The following EMCN variants were observed in gnomAD, a reference collection of about 807,000 sequenced individuals.
EMCN encodes MUC-14.
A neutral mutation model predicts 38.4 loss-of-function variants in EMCN; 37 were observed. The observed-to-expected ratio is 0.96, with a 90% CI of 0.74 to 1.27. EMCN has a LOEUF of 1.27. EMCN is among the 50% of genes most tolerant of loss of function. The pLI is 0.00. For missense variants in EMCN, 318 were observed against 302.8 expected (o/e 1.05, Z -0.37); for synonymous variants, 95 against 100.8 (o/e 0.94, Z 0.35).
intron 5 of EMCN, among the ~76,000 whole-genome samples, chr4:100,440,064 G>A (rs951769595): frequency 4.6e-5 from 7 of 152,044 alleles, no homozygotes; most frequent in African/African-American, 1.7e-4. Flanking sequence ...CCCAGGGAAT[G>A]TTCCATGTGA....
rs762691920 is a variant in EMCN, at chr4:100,423,005, C to A, written c.568+16G>T. 5.0e-6 allele frequency: 8 copies of A among 1,611,676 alleles called. No individual in the cohort carries two copies. In the South Asian group the frequency reaches 7.7e-5, roughly 15 times the overall value. On this transcript the variant is annotated intron_variant, in intron 7 of 11. Coordinates refer to ENST00000296420, the MANE Select transcript of EMCN (RefSeq NM_016242.4). Reference sequence around the variant, plus strand: ...GCATATCTACTGCCATGAATGAAGGCATTGCTGTTACTCACTGGAATAAGA... The same window carrying A: ...GCATATCTACTGCCATGAATGAAGGAATTGCTGTTACTCACTGGAATAAGA...
At chr4:100,457,245 T>C (rs1247243193) in intron 4 of EMCN, among the ~76,000 whole-genome samples, 1 of 151,810 alleles carries the variant, frequency 6.6e-6, no homozygotes, top group Non-Finnish European at 1.5e-5. Context: ...AATAAGATCA[T>C]GTCATCTGAG....
At chr4:100,449,470 C>T (rs1501073) in intron 4 of EMCN, among the ~76,000 whole-genome samples, 61,811 of 151,860 alleles carry the variant, frequency 0.41, 13,400 homozygotes, top group East Asian at 0.77. Flanking sequence ...AAATAGAAAG[C>T]TATGTAATTA....
chr4:100,480,555 T>C (rs1411229582), intron 1 of EMCN, among the ~76,000 whole-genome samples: 1 of 148,974 alleles, frequency 6.7e-6, no homozygotes, highest in Non-Finnish European at 1.5e-5. Flanking sequence ...CATATATACA[T>C]ATACATATAT....
chr4:100,506,737 G>C (rs917623060), intron 1 of EMCN, among the ~76,000 whole-genome samples: 1 of 152,298 alleles, frequency 6.6e-6, no homozygotes, highest in South Asian at 2.1e-4. Flanking sequence ...ATTCAAGTTA[G>C]AGGTTAAGGG....
intron 1 of EMCN, among the ~76,000 whole-genome samples, chr4:100,498,206 TA>T (rs1276429383): frequency 1.3e-5 from 2 of 152,188 alleles, no homozygotes; most frequent in East Asian, 3.9e-4. Context: ...AAATGAAATT[TA>T]ATACCAACCA....
At chr4:100,510,985 A>G (rs1729611967) in intron 1 of EMCN, among the ~76,000 whole-genome samples, 1 of 152,222 alleles carries the variant, frequency 6.6e-6, no homozygotes. Flanking sequence ...TTGAATCCAG[A>G]ATATTAAGAA....
chr4:100,418,352 A>G (rs1034635110), intron 8 of EMCN, among the ~76,000 whole-genome samples: 1 of 152,166 alleles, frequency 6.6e-6, no homozygotes. Flanking sequence ...CAATCACATC[A>G]TGGCAGTGGT....
At chr4:100,515,676 C>T (rs1729736893) in intron 1 of EMCN, among the ~76,000 whole-genome samples, 1 of 151,996 alleles carries the variant, frequency 6.6e-6, no homozygotes, top group Admixed American at 6.6e-5. Flanking sequence ...CTCCTCACCC[C>T]CAAGAATCAA....
At chr4:100,434,863 A>G (rs1307583797) in intron 5 of EMCN, among the ~76,000 whole-genome samples, 2 of 152,190 alleles carry the variant, frequency 1.3e-5, no homozygotes, top group Non-Finnish European at 2.9e-5. Context: ...CTGGGTATTG[A>G]AGGAACATAC....
chr4:100,451,176 C>A (rs1455495412), intron 4 of EMCN, among the ~76,000 whole-genome samples: 2 of 151,518 alleles, frequency 1.3e-5, no homozygotes, highest in Non-Finnish European at 3.0e-5. Flanking sequence ...TTATGCCAAG[C>A]AAAACTGGTT....
rs150870317 is a variant in EMCN at position 100,445,805 on chromosome 4, C to G, written c.415+1728G>C. ...TGGTGTTTCCTGATTTAGTCTTTAG[C>G]TGCAATTCATATTTGAAGTTTGAAT... On this transcript the variant is annotated intron_variant, in intron 5 of 11. Transcript: ENST00000296420. Among the ~76,000 whole-genome samples, 46 of 152,180 alleles carry G rather than the reference C, an allele frequency of 3.0e-4. 1 individual carries two copies. The East Asian group carries it at 8.7e-3, about 29-fold the overall frequency.
intron 11 of EMCN, among the ~76,000 whole-genome samples, chr4:100,402,101 T>G (rs1378896965): frequency 1.3e-5 from 2 of 152,158 alleles, no homozygotes; most frequent in Admixed American, 6.6e-5. Flanking sequence ...CATTAAACAT[T>G]TAAGCTGCTT....
intron 5 of EMCN, among the ~76,000 whole-genome samples, chr4:100,441,039 G>A (rs756106223): frequency 6.6e-6 from 1 of 151,780 alleles, no homozygotes; most frequent in African/African-American, 2.4e-5. Flanking sequence ...AGTGAGCTGC[G>A]ATTGTGCCAC....
chr4:100,498,588 T>G (rs1401395463), intron 1 of EMCN, among the ~76,000 whole-genome samples: 1 of 152,018 alleles, frequency 6.6e-6, no homozygotes, highest in East Asian at 1.9e-4. Flanking sequence ...TTCAAGCGAT[T>G]CTCCTGCCTC....
At chr4:100,414,813 A>T (rs1047006640) in intron 10 of EMCN, among the ~76,000 whole-genome samples, 1 of 152,242 alleles carries the variant, frequency 6.6e-6, no homozygotes, top group African/African-American at 2.4e-5. Context: ...AGAAATATTT[A>T]TAATATAGCT....
intron 1 of EMCN, among the ~76,000 whole-genome samples, chr4:100,486,375 G>T (rs1728942229): frequency 6.6e-6 from 1 of 152,160 alleles, no homozygotes. Flanking sequence ...CTAATATTTT[G>T]GGAGGGGAAA....
chr4:100,491,881 G>A lies in EMCN; in HGVS notation c.65-11842C>T, dbSNP rs564510306. Among the ~76,000 whole-genome samples, 5 of 152,284 alleles carry A rather than the reference G, an allele frequency of 3.3e-5. No homozygotes were observed. The South Asian group carries it at 1.0e-3, about 32-fold the overall frequency. ...ACCAACTGGTTCATCTAGAATCACA[G>A]GCTAGACTAAATAGTGAAAGTTTAT... is the stretch of plus-strand genomic sequence containing the variant. On this transcript the variant is annotated intron_variant, in intron 1 of 11. Coordinates refer to ENST00000296420, the MANE Select transcript of EMCN (RefSeq NM_016242.4).
At chr4:100,412,272 A>G (rs1322539275) in intron 10 of EMCN, among the ~76,000 whole-genome samples, 1 of 152,124 alleles carries the variant, frequency 6.6e-6, no homozygotes, top group Admixed American at 6.6e-5. Flanking sequence ...CACATCATGG[A>G]CGGTGTTGCA....
Sources: allele counts gnomAD v4.1 joint callset (sites outside exome capture counted in the v4.1 genomes callset), GRCh38; gene constraint gnomAD v4.1.1; transcripts MANE v1.5; gene names NCBI Gene and HGNC (gene_info 2026-07-23, HGNC 2026-07-21).